The following HSPG2 variants were observed in gnomAD, a reference collection of about 807,000 sequenced individuals.
HSPG2 encodes the protein basement membrane-specific heparan sulfate proteoglycan core protein.
Under a neutral mutation model 526.6 loss-of-function variants are expected in HSPG2, and 278 were observed. That is an observed-to-expected ratio of 0.53 (90% CI 0.48 to 0.58). The LOEUF is 0.58. HSPG2 is among the 20% of genes least tolerant of loss of function. The pLI, the probability that HSPG2 is intolerant of heterozygous loss-of-function variation, is 0.00. For synonymous variants in HSPG2, 2,465 were observed against 2,555.4 expected, an observed-to-expected ratio of 0.96 and a Z score of 1.07; for missense variants, 5,354 against 6,099.5, an observed-to-expected ratio of 0.88 and a Z score of 4.07.
chr1:21,826,369 C>CT (rs2097974442), intron 91 of HSPG2, among the ~76,000 whole-genome samples: 1 of 151,224 alleles, frequency 6.6e-6, no homozygotes, highest in South Asian at 2.1e-4. Context: ...TGCCCAGCTA[C>CT]TTTTTGTATT....
At chr1:21,827,766 T>C in intron 91 of HSPG2, 97 bp downstream of exon 91, 1 of 1,250,454 alleles carries the variant, frequency 8.0e-7, no homozygotes, top group South Asian at 1.3e-5. Flanking sequence ...GCTCCTCATA[T>C]AAAGCTGTTT....
At chr1:21,936,271 T>C (rs747951503) in intron 1 of HSPG2, among the ~76,000 whole-genome samples, 13 of 152,172 alleles carry the variant, frequency 8.5e-5, no homozygotes, top group Non-Finnish European at 1.2e-4. Context: ...AAGTGCCTTC[T>C]AAGCCTCGGG....
chr1:21,828,950 C>T lies in HSPG2; in HGVS notation c.12122G>A (p.Gly4041Asp). Residue 4041 changes from glycine to aspartate, a missense_variant, in exon 88 of 97, where the codon GGC (glycine) becomes GAC (aspartate). Physicochemically the swap from Gly to Asp is moderately conservative, Grantham distance 94 (BLOSUM62 -1). Transcript: ENST00000374695. This position sits in a 1 kb window ranked among gnomAD's most constrained non-coding sequence, Gnocchi z 6.0. ...GGRPVLRSSPGKSQGLNLHTL... is the reference protein window; with the variant it reads ...GGRPVLRSSPDKSQGLNLHTL... The stretch of plus-strand genomic sequence containing the variant: ...GTGCAGGTTGAGGCCCTGGCTCTTG[C>T]CGGGCGAGGAGCGCAGCACAGGGCG... 1.3e-6 allele frequency: 2 copies of T among 1,575,870 alleles called. No individual in the cohort carries two copies. The highest frequency in any genetic ancestry group is 1.8e-5 in the Admixed American group (1 of 54,910).
chr1:21,911,251 G>T (rs1379018717), intron 1 of HSPG2, among the ~76,000 whole-genome samples: 2 of 152,196 alleles, frequency 1.3e-5, no homozygotes, highest in Admixed American at 6.5e-5. Flanking sequence ...GTGAAGGATG[G>T]TGGGAAGATG....
chr1:21,854,732 T>C lies in HSPG2; in HGVS notation c.6167A>G (p.Glu2056Gly), dbSNP rs765222221. 7.4e-6 allele frequency: 12 copies of C among 1,613,742 alleles called. No individual in the cohort carries two copies. Among genetic ancestry groups the C allele is most frequent in the Non-Finnish European group, 1.0e-5 (12 of 1,179,878 alleles). ...TTCTGTCACAGAAGGCGATGAGGACTCAATCTTGACCGGCGGTGGGCTGGC... is the reference window on the plus strand; with the variant it reads ...TTCTGTCACAGAAGGCGATGAGGACCCAATCTTGACCGGCGGTGGGCTGGC... Reference protein sequence around the residue: ...SDASPPPVKIESSSPSVTEGQ... With the variant: ...SDASPPPVKIGSSSPSVTEGQ... Residue 2056 changes from glutamate (E) to glycine (G), a missense_variant, in exon 49 of 97, where the codon GAG becomes GGG. Coordinates refer to ENST00000374695, the MANE Select transcript of HSPG2 (RefSeq NM_005529.7).
chr1:21,885,545 A>C, intron 9 of HSPG2, 94 bp from the exon 10 acceptor site: 5 of 1,455,200 alleles, frequency 3.4e-6, no homozygotes, highest in Non-Finnish European at 4.7e-6. Flanking sequence ...CACATAACCC[A>C]CAGCGGCCCT....
intron 55 of HSPG2, among the ~76,000 whole-genome samples, chr1:21,850,883 G>C (rs1052722159): frequency 6.6e-6 from 1 of 151,958 alleles, no homozygotes; most frequent in Non-Finnish European, 1.5e-5. Flanking sequence ...TGGCATTATA[G>C]TAAAATATTA....
In HSPG2 at chr1:21,848,498, C is replaced by A; in HGVS notation, c.7737+145G>T. 1.1e-6 allele frequency: 1 copy of A among 945,512 alleles called. No individual in the cohort carries two copies. The highest frequency in any genetic ancestry group is 1.7e-6 in the Non-Finnish European group (1 of 591,704). The allele number at this position is 945,512 out of a possible 1,614,324, so 58.6% of individuals were successfully genotyped here. ...GGGAGCCTTATTTCTGTATTCTCAG[C>A]ACTGGTCTAGGACCCATCCAGCAAG... is the stretch of plus-strand genomic sequence containing the variant. On this transcript the variant is annotated intron_variant, in intron 59 of 96. Transcript: ENST00000374695. The surrounding 1 kb of genome is among the most constrained non-coding windows in gnomAD (Gnocchi z 4.9).
rs1301255003 is a variant in HSPG2, at chr1:21,880,464, G to A, written c.2094C>T (p.Tyr698=). The A allele has an allele frequency of 1.2e-6, 2 of 1,613,946 alleles. No homozygotes were observed. Among genetic ancestry groups the A allele is most frequent in the Admixed American group, 3.3e-5 (2 of 60,006 alleles). ...SLEAVLIQTV[Y]NTKMASVGLS... ...GTCCCACGCTGGCCATCTTGGTGTT[G>A]TACACGGTCTGGATGAGCACGGCCT... Residue 698 remains tyrosine (Y), a synonymous_variant, in exon 16 of 97, where the codon TAC becomes TAT. Coordinates refer to ENST00000374695, the MANE Select transcript of HSPG2 (RefSeq NM_005529.7).
Position 21,842,762 on chromosome 1 carries a change from C to A in HSPG2, c.8910+8G>T. On this transcript the variant is annotated splice_region_variant and intron_variant, in intron 67 of 96. Transcript: ENST00000374695. ...GACCTGGAATCCTCCCCATCCTGGCCCCTGTACCTGGTGCCGGGCGGGGAG... is the reference window on the plus strand; with the variant it reads ...GACCTGGAATCCTCCCCATCCTGGCACCTGTACCTGGTGCCGGGCGGGGAG... 6.2e-7 allele frequency: 1 copy of A among 1,612,852 alleles called. No homozygotes were observed.
rs1247904238 is a variant in HSPG2, at chr1:21,875,698, A to T, written c.3233T>A (p.Leu1078Gln). 1.2e-6 allele frequency: 2 copies of T among 1,604,798 alleles called. No individual in the cohort carries two copies. Among genetic ancestry groups the T allele is most frequent in the Non-Finnish European group, 1.7e-6 (2 of 1,179,966 alleles). Residue 1078 changes from leucine to glutamine, a missense_variant, in exon 25 of 97, where the codon CTG (leucine) becomes CAG (glutamine). Leu to Gln is a moderately radical substitution (Grantham distance 113, BLOSUM62 -2). Transcript: ENST00000374695. ...DGQPATREHL[L>Q]MALAGIDTLL... ...GGTGTCGATGCCTGCCAGTGCCATCAGCAGGTGCTCCCGTGTGGCTGGCTG... is the reference window on the plus strand; with the variant it reads ...GGTGTCGATGCCTGCCAGTGCCATCTGCAGGTGCTCCCGTGTGGCTGGCTG...
Position 21,823,180 on chromosome 1 carries a change from C to T in HSPG2, c.*136G>A. ...TGAGGGTGGCATGCCCACCTCCAGT[C>T]CAGCCCAGGGCGGTAGCAGCAAAGC... On this transcript the variant is annotated 3_prime_UTR_variant, in exon 97 of 97. Transcript: ENST00000374695. 2.3e-6 allele frequency: 2 copies of T among 885,320 alleles called. No individual in the cohort carries two copies. Among genetic ancestry groups the T allele is most frequent in the Non-Finnish European group, 3.2e-6 (2 of 622,016 alleles). The allele number at this position is 885,320 out of a possible 1,614,324, so 54.8% of individuals were successfully genotyped here.
rs1642488374 is a variant in HSPG2 at position 21,893,158 on chromosome 1, C to G, written c.245-2464G>C. 6.6e-6 allele frequency among the ~76,000 whole-genome samples: 1 copy of G among 152,246 alleles called. No individual in the cohort carries two copies. The highest frequency in any genetic ancestry group is 1.5e-5 in the Non-Finnish European group (1 of 68,046). On this transcript the variant is annotated intron_variant, in intron 3 of 96. Coordinates refer to ENST00000374695, the MANE Select transcript of HSPG2 (RefSeq NM_005529.7). This position sits in a 1 kb window ranked among gnomAD's most constrained non-coding sequence, Gnocchi z 4.3. ...CCCTGCTCAACAGAACTCTCTGCAA[C>G]ACACCCAGGCCCCCGAACTCCAGCC...
At chr1:21,831,390 C>A in intron 83 of HSPG2, 66 bp from the exon 84 acceptor site, 1 of 1,602,542 alleles carries the variant, frequency 6.2e-7, no homozygotes, top group Admixed American at 1.7e-5. Flanking sequence ...GAGGTGCCCT[C>A]CCAGGCTCTC....
chr1:21,831,693 G>A lies in HSPG2; in HGVS notation c.11311C>T (p.Leu3771=). ...ACCGGGGCCAGGTCACCCACAATCA[G>A]GGAGCCCTGGGTGAGGCTGCGCAGC... ...TLLRSLTQGS[L]IVGDLAPVNG... Residue 3771 remains leucine (L), a synonymous_variant, in exon 82 of 97, where the codon CTG becomes TTG. Transcript: ENST00000374695. 1 of 1,605,982 alleles carries A rather than the reference G, an allele frequency of 6.2e-7. No homozygotes were observed. The highest frequency in any genetic ancestry group is 1.1e-5 in the South Asian group (1 of 89,850).
At chr1:21,840,696 C>T (rs1314851843) in intron 71 of HSPG2, among the ~76,000 whole-genome samples, 1 of 152,010 alleles carries the variant, frequency 6.6e-6, no homozygotes, top group Non-Finnish European at 1.5e-5. Context: ...CCACTTTGGC[C>T]TCCCAGGCTG....
In HSPG2 at chr1:21,841,662, T is replaced by G. The variant is rs776701963; in HGVS notation, c.9205A>C (p.Ile3069Leu). ...GTGATGATGGAGCCATTGGGACTGA[T>G]GTGGACGTTGTCTGTGAGGTTGCAT... The part of the protein sequence containing the change: ...RNQELEDNVH[I>L]SPNGSIITIV... The change falls in exon 70 of 97, where the codon ATC (isoleucine) becomes CTC (leucine). Residue 3069 changes from isoleucine to leucine, a missense_variant. Coordinates refer to ENST00000374695, the MANE Select transcript of HSPG2 (RefSeq NM_005529.7). 5 of 1,614,086 alleles carry G rather than the reference T, an allele frequency of 3.1e-6. No individual in the cohort carries two copies. Among genetic ancestry groups the G allele is most frequent in the Non-Finnish European group, 3.4e-6 (4 of 1,180,016 alleles).
Position 21,904,201 on chromosome 1 carries a change from C to T in HSPG2, c.64-7891G>A, listed in dbSNP as rs1271707894. On this transcript the variant is annotated intron_variant, in intron 1 of 96. Transcript: ENST00000374695. This position sits in a 1 kb window ranked among gnomAD's most constrained non-coding sequence, Gnocchi z 4.4. ...GGGCCGGCAGAGCCCAGGGGAGGGTCCCCTCACTTAGGGAGGTGGCTGGGA... is the reference window on the plus strand; with the variant it reads ...GGGCCGGCAGAGCCCAGGGGAGGGTTCCCTCACTTAGGGAGGTGGCTGGGA... 6.6e-6 allele frequency among the ~76,000 whole-genome samples: 1 copy of T among 152,172 alleles called. No individual in the cohort carries two copies. Among genetic ancestry groups the T allele is most frequent in the Non-Finnish European group, 1.5e-5 (1 of 68,020 alleles).
Position 21,925,281 on chromosome 1 carries a change from G to A in HSPG2, c.63+11874C>T, listed in dbSNP as rs1042821773. Among the ~76,000 whole-genome samples the A allele has an allele frequency of 5.3e-5, 8 of 152,198 alleles. No homozygotes were observed. The East Asian group carries it at 1.5e-3, about 29-fold the overall frequency. On this transcript the variant is annotated intron_variant, in intron 1 of 96. Coordinates refer to ENST00000374695, the MANE Select transcript of HSPG2 (RefSeq NM_005529.7). ...TGAACAAATGAGTGGACAGAGGGAT[G>A]GATGGAAGGATTCTTGAAGCTTCCA...
Sources: allele counts gnomAD v4.1 joint callset (sites outside exome capture counted in the v4.1 genomes callset), GRCh38; gene constraint gnomAD v4.1.1; non-coding constraint Gnocchi (gnomAD v3.1); transcripts MANE v1.5; gene names NCBI Gene and HGNC (gene_info 2026-07-23, HGNC 2026-07-21).